The following RPS6KC1 variants were observed in gnomAD, a reference collection of about 807,000 sequenced individuals.
RPS6KC1 encodes the protein ribosomal protein S6 kinase C1, also known as inactive ribosomal protein S6 kinase delta-1.
A neutral mutation model predicts 103.8 loss-of-function variants in RPS6KC1; 54 were observed. The observed-to-expected ratio is 0.52, with a 90% CI of 0.42 to 0.65. The LOEUF (loss-of-function observed/expected upper bound fraction) is 0.65. Among genes scored for constraint, RPS6KC1 ranks in the 30% least tolerant of loss-of-function variants. The pLI, the probability that RPS6KC1 is intolerant of heterozygous loss-of-function variation, is 0.00. For synonymous variants in RPS6KC1, 439 were observed against 438.7 expected (o/e 1.00, Z -0.01); for missense variants, 1,151 against 1,253.8 (o/e 0.92, Z 1.24).
intron 6 of RPS6KC1, among the ~76,000 whole-genome samples, chr1:213,144,280 T>A (rs1413666854): frequency 1.3e-5 from 2 of 151,994 alleles, no homozygotes; most frequent in African/African-American, 4.8e-5. Flanking sequence ...AGTTCTTTAG[T>A]TTTTTATTTT....
the RPS6KC1 span, among the ~76,000 whole-genome samples, chr1:213,661,563 G>A: frequency 6.6e-6 from 1 of 152,236 alleles, no homozygotes; most frequent in Non-Finnish European, 1.5e-5. Flanking sequence ...GAAGTCAGAG[G>A]CGGGGGAGGA....
the RPS6KC1 span, among the ~76,000 whole-genome samples, chr1:213,861,350 A>G: frequency 5.3e-3 from 811 of 152,160 alleles, 7 homozygotes; most frequent in Non-Finnish European, 7.9e-3. Context: ...AGGCCCCCAC[A>G]CCTTATCACC....
the RPS6KC1 span, among the ~76,000 whole-genome samples, chr1:213,448,855 T>G: frequency 2.0e-5 from 3 of 152,124 alleles, no homozygotes; most frequent in African/African-American, 7.2e-5. Flanking sequence ...ATAGAACATC[T>G]TGAGCTTTCA....
At chr1:213,471,730 T>C in the RPS6KC1 span, among the ~76,000 whole-genome samples, 4 of 150,586 alleles carry the variant, frequency 2.7e-5, no homozygotes, top group Non-Finnish European at 5.9e-5. Flanking sequence ...TGTTCCTCTT[T>C]CTATTTTTCT....
At chr1:213,291,401 C>T in the RPS6KC1 span, among the ~76,000 whole-genome samples, 8 of 152,310 alleles carry the variant, frequency 5.3e-5, no homozygotes, top group Non-Finnish European at 1.0e-4. Context: ...ACAGCAACTT[C>T]GCTAACTTGA....
chr1:213,315,720 G>A, the RPS6KC1 span, among the ~76,000 whole-genome samples: 1 of 152,166 alleles, frequency 6.6e-6, no homozygotes, highest in Non-Finnish European at 1.5e-5. Context: ...ATTCCTTGCT[G>A]CCCCCCACGG....
At chr1:213,624,890 G>C in the RPS6KC1 span, among the ~76,000 whole-genome samples, 1 of 152,120 alleles carries the variant, frequency 6.6e-6, no homozygotes, top group South Asian at 2.1e-4. Context: ...TGGGGATTAG[G>C]TTTCAAGATA....
the RPS6KC1 span, among the ~76,000 whole-genome samples, chr1:213,725,408 A>G: frequency 6.6e-6 from 1 of 152,216 alleles, no homozygotes; most frequent in Non-Finnish European, 1.5e-5. Context: ...CCGTGCTCTC[A>G]GGCCGCTCGG....
intron 12 of RPS6KC1, among the ~76,000 whole-genome samples, chr1:213,246,766 A>C (rs925958407): frequency 6.6e-6 from 1 of 152,072 alleles, no homozygotes; most frequent in Non-Finnish European, 1.5e-5. Context: ...AAATACAAAA[A>C]AAAAACTGAG....
the RPS6KC1 span, among the ~76,000 whole-genome samples, chr1:213,432,057 A>G: frequency 2.0e-5 from 3 of 152,150 alleles, no homozygotes; most frequent in Admixed American, 6.5e-5. Flanking sequence ...GACAGTGATC[A>G]CCTTTTCATG....
At chr1:213,837,317 A>G in the RPS6KC1 span, 1 of 151,964 alleles carries the variant, frequency 6.6e-6, no homozygotes, top group Admixed American at 6.6e-5. Context: ...TCAAGCTACA[A>G]CTCTGTTCTC....
At chr1:213,221,057 T>C (rs533631563) in intron 8 of RPS6KC1, among the ~76,000 whole-genome samples, 2 of 152,346 alleles carry the variant, frequency 1.3e-5, no homozygotes, top group East Asian at 3.9e-4. Context: ...AATACTCTAC[T>C]TTTATGACTC....
At chr1:213,402,683 T>C in the RPS6KC1 span, among the ~76,000 whole-genome samples, 1 of 152,088 alleles carries the variant, frequency 6.6e-6, no homozygotes, top group Non-Finnish European at 1.5e-5. Context: ...ACGTATGATG[T>C]TGAATGAACA....
the RPS6KC1 span, among the ~76,000 whole-genome samples, chr1:213,598,167 G>A: frequency 6.6e-6 from 1 of 152,188 alleles, no homozygotes; most frequent in East Asian, 1.9e-4. Context: ...GTCCTTCAGA[G>A]CTGCAGATAT....
chr1:213,261,664 A>C (rs755941461), intron 13 of RPS6KC1, 24 bp downstream of exon 13: 2 of 1,590,454 alleles, frequency 1.3e-6, no homozygotes, highest in Non-Finnish European at 1.7e-6. Context: ...TGGACGTTTA[A>C]TAAATTTACT....
chr1:213,097,874 C>T (rs537432266), intron 3 of RPS6KC1, among the ~76,000 whole-genome samples: 84 of 152,282 alleles, frequency 5.5e-4, no homozygotes, highest in South Asian at 2.9e-3. Flanking sequence ...TTTTCTTTTG[C>T]AGCTTCTTCA....
At chr1:213,087,843 C>T (rs1360908655) in intron 3 of RPS6KC1, among the ~76,000 whole-genome samples, 1 of 152,196 alleles carries the variant, frequency 6.6e-6, no homozygotes, top group African/African-American at 2.4e-5. Flanking sequence ...GGCCTGCTAG[C>T]ACCCTGCAGA....
chr1:213,560,830 C>T, the RPS6KC1 span, among the ~76,000 whole-genome samples: 1 of 152,166 alleles, frequency 6.6e-6, no homozygotes, highest in Non-Finnish European at 1.5e-5. Context: ...TTGGGGGAAT[C>T]CTGAGCTTGG....
the RPS6KC1 span, among the ~76,000 whole-genome samples, chr1:213,329,798 A>C: frequency 6.6e-6 from 1 of 152,128 alleles, no homozygotes; most frequent in Non-Finnish European, 1.5e-5. Context: ...CAGCTGTCCG[A>C]GGTCCTTCTT....
Sources: allele counts gnomAD v4.1 joint callset (sites outside exome capture counted in the v4.1 genomes callset), GRCh38; gene constraint gnomAD v4.1.1; transcripts MANE v1.5; gene names NCBI Gene and HGNC (gene_info 2026-07-23, HGNC 2026-07-21).